The following PTPRM variants were observed in gnomAD, a reference collection of about 807,000 sequenced individuals.
PTPRM encodes the protein receptor-type tyrosine-protein phosphatase mu.
Under a neutral mutation model 186.7 loss-of-function variants are expected in PTPRM, and 47 were observed. The ratio of observed to expected loss-of-function variants is 0.25; its 90% CI spans 0.20 to 0.32. PTPRM has a LOEUF of 0.32. PTPRM is among the 10% of genes least tolerant of loss of function. PTPRM has a pLI of 1.00. For missense variants in PTPRM, 1,494 were observed against 1,865.0 expected (o/e 0.80, Z 3.66); for synonymous variants, 668 against 674.9 (o/e 0.99, Z 0.16).
chr18:8,143,210 A>C (rs897371781), intron 13 of PTPRM, among the ~76,000 whole-genome samples: 1 of 152,232 alleles, frequency 6.6e-6, no homozygotes, highest in Non-Finnish European at 1.5e-5. Flanking sequence ...GTTTGGACTA[A>C]TATGTTATGG....
intron 1 of PTPRM, among the ~76,000 whole-genome samples, chr18:7,698,746 T>C (rs139900520): frequency 6.6e-6 from 1 of 152,330 alleles, no homozygotes; most frequent in East Asian, 1.9e-4. Flanking sequence ...TTTTTGCACA[T>C]ACTACTAACA....
intron 13 of PTPRM, among the ~76,000 whole-genome samples, chr18:8,119,456 A>G (rs1471264750): frequency 6.6e-6 from 1 of 152,200 alleles, no homozygotes; most frequent in Admixed American, 6.5e-5. Flanking sequence ...TCTACATGAG[A>G]AAACCAATTA....
intron 1 of PTPRM, among the ~76,000 whole-genome samples, chr18:7,657,255 A>G (rs2038872767): frequency 6.6e-6 from 1 of 152,122 alleles, no homozygotes; most frequent in South Asian, 2.1e-4. Context: ...CAGCAACCAG[A>G]TTACAGTGAA....
intron 7 of PTPRM, among the ~76,000 whole-genome samples, chr18:8,045,449 C>T (rs747418143): frequency 1.4e-4 from 22 of 152,174 alleles, no homozygotes; most frequent in Non-Finnish European, 2.1e-4. Context: ...CTTAACAAAA[C>T]GTCGTATGTC....
intron 1 of PTPRM, among the ~76,000 whole-genome samples, chr18:7,594,969 A>G (rs1282690275): frequency 6.6e-6 from 1 of 152,214 alleles, no homozygotes; most frequent in Non-Finnish European, 1.5e-5. Flanking sequence ...TGGGGACAAC[A>G]GTAGTACTCT....
intron 2 of PTPRM, among the ~76,000 whole-genome samples, chr18:7,776,002 G>C (rs868786247): frequency 1.3e-5 from 2 of 152,156 alleles, no homozygotes; most frequent in African/African-American, 4.8e-5. Context: ...TGGTAGTAAA[G>C]TTCAAAGCCC....
At chr18:7,946,925 C>G (rs539361030) in intron 5 of PTPRM, 3 of 456,204 alleles carry the variant, frequency 6.6e-6, no homozygotes, top group South Asian at 4.6e-5. Flanking sequence ...ATGCCTAGCC[C>G]AGCCCCTTCT....
At chr18:8,310,782 ATTTG>A (rs1406585701) in intron 20 of PTPRM, among the ~76,000 whole-genome samples, 11 of 152,136 alleles carry the variant, frequency 7.2e-5, no homozygotes, top group Admixed American at 3.3e-4. Flanking sequence ...CGTAAATCTA[ATTTG>A]TTTAACACTA....
intron 1 of PTPRM, among the ~76,000 whole-genome samples, chr18:7,631,451 GT>G (rs74388341): frequency 0.021 from 2,886 of 139,688 alleles, 76 homozygotes; most frequent in African/African-American, 0.066. Context: ...CTACAAGGCT[GT>G]TTTTTTTTTT....
At chr18:7,778,787 G>A (rs1238196962) in intron 2 of PTPRM, among the ~76,000 whole-genome samples, 1 of 151,976 alleles carries the variant, frequency 6.6e-6, no homozygotes, top group East Asian at 1.9e-4. Flanking sequence ...GCCCACAGTG[G>A]GGAAATTTCT....
intron 13 of PTPRM, among the ~76,000 whole-genome samples, chr18:8,139,787 AC>A (rs139194793): frequency 0.14 from 20,919 of 150,656 alleles, 1,544 homozygotes; most frequent in African/African-American, 0.17. Flanking sequence ...CCTTGCCTTC[AC>A]CCCCCAGCCC....
At chr18:8,206,409 C>T (rs916003948) in intron 14 of PTPRM, among the ~76,000 whole-genome samples, 5 of 152,086 alleles carry the variant, frequency 3.3e-5, no homozygotes, top group African/African-American at 1.2e-4. Flanking sequence ...CCACCACATC[C>T]AGCTAATTTT....
intron 14 of PTPRM, among the ~76,000 whole-genome samples, chr18:8,240,462 A>AGAGAGAGG (rs370263978): frequency 3.2e-5 from 2 of 62,012 alleles, no homozygotes; most frequent in Non-Finnish European, 5.7e-5. Context: ...AGAGAGAGAG[A>AGAGAGAGG]GAGGGAGGGA....
intron 1 of PTPRM, among the ~76,000 whole-genome samples, chr18:7,694,264 T>C (rs2039794830): frequency 6.6e-6 from 1 of 152,170 alleles, no homozygotes; most frequent in Admixed American, 6.5e-5. Flanking sequence ...ATGTGTCTCA[T>C]GTTTCTAAGT....
At chr18:7,825,690 T>C (rs1338336825) in intron 2 of PTPRM, among the ~76,000 whole-genome samples, 1 of 152,124 alleles carries the variant, frequency 6.6e-6, no homozygotes, top group Non-Finnish European at 1.5e-5. Flanking sequence ...TCCCATCCCC[T>C]AGAAGTAAGC....
At chr18:8,067,923 T>A (rs775481411) in intron 7 of PTPRM, among the ~76,000 whole-genome samples, 90 of 152,236 alleles carry the variant, frequency 5.9e-4, no homozygotes, top group Non-Finnish European at 1.1e-3. Context: ...TTGTACATTC[T>A]TTGGTCATGT....
At chr18:7,643,952 G>T (rs1363444195) in intron 1 of PTPRM, among the ~76,000 whole-genome samples, 1 of 152,028 alleles carries the variant, frequency 6.6e-6, no homozygotes, top group Non-Finnish European at 1.5e-5. Context: ...AAGGTTTAAA[G>T]GGGAGAAAAC....
intron 1 of PTPRM, among the ~76,000 whole-genome samples, chr18:7,659,842 T>C (rs1320837940): frequency 2.0e-5 from 3 of 152,212 alleles, no homozygotes; most frequent in Non-Finnish European, 4.4e-5. Context: ...CTTAATCTAG[T>C]GCAGAAGCCT....
At chr18:7,918,399 C>T (rs903115219) in intron 4 of PTPRM, among the ~76,000 whole-genome samples, 22 of 152,208 alleles carry the variant, frequency 1.4e-4, no homozygotes, top group East Asian at 7.7e-4. Context: ...CACCAGTATC[C>T]GTTACTCCCT....
Sources: allele counts gnomAD v4.1 joint callset (sites outside exome capture counted in the v4.1 genomes callset), GRCh38; gene constraint gnomAD v4.1.1; transcripts MANE v1.5; gene names NCBI Gene and HGNC (gene_info 2026-07-23, HGNC 2026-07-21).